SQOR: variants seen among roughly 807,000 people sequenced by gnomAD.
SQOR encodes the protein sulfide:quinone oxidoreductase, mitochondrial.
Under a neutral mutation model 48.6 loss-of-function variants are expected in SQOR, and 39 were observed. That is an observed-to-expected ratio of 0.80 (90% CI 0.62 to 1.05). The LOEUF (loss-of-function observed/expected upper bound fraction) is 1.05. Among genes scored for constraint, SQOR ranks in the 50% least tolerant of loss-of-function variants. The probability of loss-of-function intolerance (pLI) is 0.00; values close to 1 mark genes in which losing one functional copy is unlikely to be tolerated. For missense variants in SQOR, 561 were observed against 559.9 expected, an observed-to-expected ratio of 1.00 and a Z score of -0.02; for synonymous variants, 220 against 206.2, an observed-to-expected ratio of 1.07 and a Z score of -0.57.
intron 1 of SQOR, among the ~76,000 whole-genome samples, chr15:45,650,807 C>T (rs1566915758): frequency 6.6e-6 from 1 of 152,178 alleles, no homozygotes; most frequent in Non-Finnish European, 1.5e-5. Flanking sequence ...GGTGTATCTA[C>T]AATCCCTTAG....
intron 3 of SQOR, 120 bp downstream of exon 3, chr15:45,662,245 G>A (rs1377156124): frequency 3.8e-6 from 4 of 1,058,708 alleles, no homozygotes; most frequent in Non-Finnish European, 5.5e-6. Context: ...GTGCATGAAC[G>A]TATGTGTGTT....
chr15:45,638,241 C>T (rs1472175639), intron 1 of SQOR, among the ~76,000 whole-genome samples: 2 of 152,130 alleles, frequency 1.3e-5, no homozygotes, highest in Non-Finnish European at 2.9e-5. Context: ...TATGGACTCA[C>T]CAAATTCATA....
At chr15:45,670,886 G>A (rs1050448395) in intron 4 of SQOR, among the ~76,000 whole-genome samples, 1 of 152,224 alleles carries the variant, frequency 6.6e-6, no homozygotes, top group African/African-American at 2.4e-5. Context: ...GACAAGCTAT[G>A]AAGTAGACGA....
At chr15:45,650,561 G>A (rs926470579) in intron 1 of SQOR, among the ~76,000 whole-genome samples, 3 of 152,288 alleles carry the variant, frequency 2.0e-5, no homozygotes, top group East Asian at 1.9e-4. Flanking sequence ...ACACGAAAGA[G>A]GACCAGAAAG....
chr15:45,661,290 TAAAA>T lies in SQOR; in HGVS notation c.235-644_235-641del, dbSNP rs34286267. 5.6e-4 allele frequency among the ~76,000 whole-genome samples: 38 copies of T among 67,534 alleles called. No individual in the cohort carries two copies. The Admixed American group carries it at 6.7e-3, about 12-fold the overall frequency. 44.3% of individuals were successfully genotyped at this position (67,534 alleles called of 152,430 possible). A position where few individuals can be genotyped will look rare whatever the true frequency, so the allele number is the denominator to read the frequency against. ...GGGGTGATTGGGCGAGACTCTGTCT[TAAAA>T]AAAAAAAAAAAAAAAAAAAAGGACC... On this transcript the variant is annotated intron_variant, in intron 2 of 9. Transcript: ENST00000260324.
intron 7 of SQOR, among the ~76,000 whole-genome samples, chr15:45,687,506 G>A (rs913021013): frequency 6.6e-6 from 1 of 152,158 alleles, no homozygotes; most frequent in African/African-American, 2.4e-5. Context: ...AATACTGCGG[G>A]TTTGTGTTAA....
At chr15:45,675,448 G>C (rs1038913937) in intron 5 of SQOR, among the ~76,000 whole-genome samples, 1 of 151,504 alleles carries the variant, frequency 6.6e-6, no homozygotes, top group Non-Finnish European at 1.5e-5. Context: ...AGGCTGGAGT[G>C]CAATGGTGCA....
chr15:45,654,570 G>C (rs961081482), intron 1 of SQOR, among the ~76,000 whole-genome samples: 3 of 152,142 alleles, frequency 2.0e-5, no homozygotes, highest in African/African-American at 7.2e-5. Context: ...TTTCAAGAGA[G>C]GAACCATGAA....
intron 1 of SQOR, among the ~76,000 whole-genome samples, chr15:45,652,718 T>A (rs1889518386): frequency 7.3e-6 from 1 of 136,666 alleles, no homozygotes; most frequent in Admixed American, 7.9e-5. Flanking sequence ...ACACCTGTAA[T>A]CCCAGCATTG....
chr15:45,639,478 C>G (rs1324337417), intron 1 of SQOR, among the ~76,000 whole-genome samples: 3 of 152,210 alleles, frequency 2.0e-5, no homozygotes, highest in African/African-American at 7.2e-5. Flanking sequence ...TGCCACCTAG[C>G]TGGGAACCAG....
chr15:45,652,545 TGTTGGCCA>T (rs1889513235), intron 1 of SQOR, among the ~76,000 whole-genome samples: 1 of 151,944 alleles, frequency 6.6e-6, no homozygotes, highest in Non-Finnish European at 1.5e-5. Flanking sequence ...GGTTTCACCA[TGTTGGCCA>T]GGCTGTTCTG....
Position 45,676,319 on chromosome 15 carries a change from T to G in SQOR, c.864+9T>G. ...AGACCCAAGTGATTTCAGTGAGTGGTGAGGCTAAGCTGTCAGCATGAAGCG... is the reference window on the plus strand; with the variant it reads ...AGACCCAAGTGATTTCAGTGAGTGGGGAGGCTAAGCTGTCAGCATGAAGCG... On this transcript the variant is annotated intron_variant, in intron 6 of 9. Coordinates refer to ENST00000260324, the MANE Select transcript of SQOR (RefSeq NM_021199.4). 6.2e-7 allele frequency: 1 copy of G among 1,613,742 alleles called. No homozygotes were observed. The highest frequency in any genetic ancestry group is 8.5e-7 in the Non-Finnish European group (1 of 1,179,792).
At position 45,679,847 on chromosome 15, in the gene SQOR, C is replaced by T. The variant is rs142227613; in HGVS notation, c.865-2631C>T. Reference sequence around the variant, plus strand: ...TAGCAGATTTTAAAGTACAGATTCCCGTGCTTTACCCAGATCTACTAGATT... The same window carrying T: ...TAGCAGATTTTAAAGTACAGATTCCTGTGCTTTACCCAGATCTACTAGATT... On this transcript the variant is annotated intron_variant, in intron 6 of 9. Transcript: ENST00000260324. 7.7e-3 allele frequency among the ~76,000 whole-genome samples: 1,175 copies of T among 152,240 alleles called. 21 individuals are homozygous for T. Among genetic ancestry groups the T allele is most frequent in the African/African-American group, 0.027 (1,130 of 41,544 alleles).
chr15:45,691,042 C>A lies in SQOR; in HGVS notation c.*12C>A. 1 of 1,613,440 alleles carries A rather than the reference C, an allele frequency of 6.2e-7. No individual in the cohort carries two copies. Among genetic ancestry groups the A allele is most frequent in the Non-Finnish European group, 8.5e-7 (1 of 1,179,344 alleles). On this transcript the variant is annotated 3_prime_UTR_variant, in exon 10 of 10. Coordinates refer to ENST00000260324, the MANE Select transcript of SQOR (RefSeq NM_021199.4). ...TAGGTATGAGTTAAGGATGGCTCAG[C>A]ACTTGCTCATCTTGGATGGCTTCTG...
chr15:45,665,321 A>G (rs144771249), intron 3 of SQOR, among the ~76,000 whole-genome samples: 85 of 152,332 alleles, frequency 5.6e-4, no homozygotes, highest in African/African-American at 1.9e-3. Context: ...CTTCATAGCC[A>G]GATATCAGAA....
chr15:45,662,165 G>A, intron 3 of SQOR, 40 bp downstream of exon 3: 1 of 1,603,732 alleles, frequency 6.2e-7, no homozygotes, highest in Non-Finnish European at 8.5e-7. Context: ...TAATCTGACA[G>A]CTTGTATTAA....
intron 1 of SQOR, among the ~76,000 whole-genome samples, chr15:45,649,502 G>A (rs1158995027): frequency 6.6e-6 from 1 of 152,118 alleles, no homozygotes; most frequent in Non-Finnish European, 1.5e-5. Context: ...TTGAGACAGA[G>A]TCTTGCTCTG....
intron 9 of SQOR, among the ~76,000 whole-genome samples, chr15:45,689,864 C>A (rs1369500765): frequency 1.3e-5 from 2 of 152,068 alleles, no homozygotes; most frequent in East Asian, 3.9e-4. Context: ...TTAGCAGTGT[C>A]ATGCTATTAG....
chr15:45,649,473 G>A (rs1889419364), intron 1 of SQOR, among the ~76,000 whole-genome samples: 2 of 152,132 alleles, frequency 1.3e-5, no homozygotes, highest in African/African-American at 4.8e-5. Context: ...ATTTATTGAT[G>A]TTTTTCTTTT....
Sources: gnomAD v4.1 joint callset for allele counts (sites outside exome capture counted in the v4.1 genomes callset) on GRCh38, gnomAD v4.1.1 for gene constraint, MANE v1.5 for transcripts, NCBI Gene and HGNC (gene_info 2026-07-23, HGNC 2026-07-21) for gene names.